Variants in HELZ observed in about 807,000 individuals in gnomAD.
HELZ encodes helicase with zinc finger, also known as ATP-dependent RNA helicase with zinc finger domain.
In HELZ, 23 loss-of-function variants were observed where a neutral mutation model predicts 218.2. The ratio of observed to expected loss-of-function variants is 0.11; its 90% confidence interval spans 0.08 to 0.15. The LOEUF is 0.15. Ranked by LOEUF, HELZ falls within the 10% of genes least tolerant of loss-of-function variation. HELZ has a pLI of 1.00. For synonymous variants in HELZ, 814 were observed against 829.4 expected (o/e 0.98, Z 0.32); for missense variants, 1,813 against 2,353.7 (o/e 0.77, Z 4.75).
intron 32 of HELZ, among the ~76,000 whole-genome samples, chr17:67,081,891 C>T (rs1046666484): frequency 2.6e-5 from 4 of 151,014 alleles, no homozygotes; most frequent in Non-Finnish European, 4.4e-5. Flanking sequence ...CTTAAAAATA[C>T]ATAGAAGAGC....
chr17:67,219,462 AAG>A (rs1331622745), intron 3 of HELZ, among the ~76,000 whole-genome samples: 3 of 152,254 alleles, frequency 2.0e-5, no homozygotes, highest in African/African-American at 7.2e-5. Flanking sequence ...AATTACAAAA[AAG>A]ACTTATTCCA....
rs1400932278 is a variant in HELZ, at chr17:67,141,727, CTCAAAAAATATAA to C, written c.2770-3626_2770-3614del. ...CCTAAAGAAACCACTAAGAAAATAA[CTCAAAAAATATAA>C]TTAAAAAATAATTAAAAGAAATGCC... On this transcript the variant is annotated intron_variant, in intron 21 of 32. Coordinates refer to ENST00000358691, the MANE Select transcript of HELZ (RefSeq NM_014877.4). 3.3e-5 allele frequency among the ~76,000 whole-genome samples: 5 copies of C among 151,892 alleles called. No homozygotes were observed. The East Asian group carries it at 7.7e-4, about 23-fold the overall frequency.
intron 31 of HELZ, among the ~76,000 whole-genome samples, chr17:67,095,062 C>G (rs981996907): frequency 6.6e-6 from 1 of 152,208 alleles, no homozygotes; most frequent in African/African-American, 2.4e-5. Flanking sequence ...ATTTTACTCA[C>G]AGAACTTCTT....
intron 29 of HELZ, 57 bp downstream of exon 29, chr17:67,109,059 G>T: frequency 1.5e-6 from 2 of 1,351,536 alleles, no homozygotes; most frequent in Non-Finnish European, 2.1e-6. Context: ...ATATTATACA[G>T]TCCAAGTCAT....
At chr17:67,102,429 A>G (rs1371698214) in intron 31 of HELZ, among the ~76,000 whole-genome samples, 19 of 152,216 alleles carry the variant, frequency 1.2e-4, no homozygotes, top group Admixed American at 1.2e-3. Flanking sequence ...AATCAAAATT[A>G]CTATAAAAAG....
Position 67,098,551 on chromosome 17 carries a change from G to T in HELZ, c.5241+8618C>A, listed in dbSNP as rs774425394. Among the ~76,000 whole-genome samples the T allele has an allele frequency of 2.0e-5, 3 of 150,652 alleles. No individual in the cohort carries two copies. The South Asian group carries it at 6.3e-4, about 32-fold the overall frequency. On this transcript the variant is annotated intron_variant, in intron 31 of 32. Transcript: ENST00000358691. ...GGAGTTTGAGACCAGCCTGGCCAACGTGGTGAAATCCCGTCTCTACTAAAA... is the reference window on the plus strand; with the variant it reads ...GGAGTTTGAGACCAGCCTGGCCAACTTGGTGAAATCCCGTCTCTACTAAAA...
intron 3 of HELZ, among the ~76,000 whole-genome samples, chr17:67,235,654 C>G (rs2041159694): frequency 6.6e-6 from 1 of 152,018 alleles, no homozygotes; most frequent in Non-Finnish European, 1.5e-5. Context: ...ACAGCAGATG[C>G]CCAATAAATA....
At chr17:67,089,694 G>GAGAGAGAGAGAGAGAGAGAGACAGAC (rs776184027) in intron 31 of HELZ, among the ~76,000 whole-genome samples, 1 of 100,696 alleles carries the variant, frequency 9.9e-6, no homozygotes, top group Non-Finnish European at 1.9e-5. Context: ...GAGAGAGAGA[G>GAGAGAGAGAGAGAGAGAGAGACAGAC]AGAGAGACAG....
At position 67,087,060 on chromosome 17, in the gene HELZ, G is replaced by T. The variant is rs1415148527; in HGVS notation, c.5263C>A (p.Arg1755=). ...GAGATTCTTCTTTGGTACAAGGGCC[G>T]ACCAGGTCCTCTGGGCTCATACTAC... ...LEEYEPRGPG[R]PLYQRRISSS... The change falls in exon 32 of 33, where the codon CGG becomes AGG. Residue 1755 remains arginine, a synonymous_variant. Coordinates refer to ENST00000358691, the MANE Select transcript of HELZ (RefSeq NM_014877.4). 1.2e-6 allele frequency: 2 copies of T among 1,613,862 alleles called. No homozygotes were observed. The highest frequency in any genetic ancestry group is 2.2e-5 in the South Asian group (2 of 91,064).
chr17:67,229,631 G>A (rs2143415104), intron 3 of HELZ, among the ~76,000 whole-genome samples: 1 of 152,174 alleles, frequency 6.6e-6, no homozygotes, highest in African/African-American at 2.4e-5. Context: ...TGACCTAAAT[G>A]CCAAGCATAC....
intron 12 of HELZ, among the ~76,000 whole-genome samples, chr17:67,180,226 G>A (rs1400429262): frequency 2.0e-5 from 3 of 152,094 alleles, no homozygotes; most frequent in Admixed American, 6.6e-5. Context: ...GCTCCCGCCT[G>A]TAACCCCATC....
chr17:67,174,674 T>C (rs1052489006), intron 13 of HELZ, among the ~76,000 whole-genome samples: 1 of 152,118 alleles, frequency 6.6e-6, no homozygotes, highest in Admixed American at 6.6e-5. Flanking sequence ...GACACTTGCC[T>C]GTAATCCCAG....
At chr17:67,245,487 C>G (rs914264063), upstream of HELZ, 4 of 985,714 alleles carry the variant, frequency 4.1e-6, no homozygotes, top group Non-Finnish European at 4.8e-6. Flanking sequence ...CCTGCCCGGG[C>G]AGACGCCCCG....
chr17:67,235,944 A>T (rs575304619), intron 3 of HELZ, among the ~76,000 whole-genome samples: 49 of 151,650 alleles, frequency 3.2e-4, no homozygotes, highest in South Asian at 2.9e-3. Context: ...GTATTTTTAG[A>T]AGAGACGGGG....
intron 13 of HELZ, among the ~76,000 whole-genome samples, chr17:67,178,179 TA>T (rs1291332895): frequency 3.9e-5 from 6 of 152,226 alleles, no homozygotes; most frequent in African/African-American, 1.4e-4. Flanking sequence ...GGATAAAATG[TA>T]AAATATGTTA....
intron 5 of HELZ, among the ~76,000 whole-genome samples, chr17:67,215,336 G>A (rs1369079413): frequency 6.6e-6 from 1 of 150,672 alleles, no homozygotes; most frequent in Non-Finnish European, 1.5e-5. Context: ...CCTTGTGACT[G>A]GAGCTATTCA....
intron 15 of HELZ, among the ~76,000 whole-genome samples, chr17:67,166,218 G>C (rs868754939): frequency 7.9e-5 from 12 of 152,048 alleles, no homozygotes; most frequent in Non-Finnish European, 4.4e-5. Context: ...ACTTCTACTT[G>C]GAAATATTCC....
chr17:67,122,708 C>CA lies in HELZ; in HGVS notation c.3630+261dup, dbSNP rs568948212. On this transcript the variant is annotated intron_variant, in intron 26 of 32. Coordinates refer to ENST00000358691, the MANE Select transcript of HELZ (RefSeq NM_014877.4). ...AGGCAACAAGAGCAAAACTCTATCT[C>CA]AAAAAAAAAACAAAACAAAATAGTA... 1.8e-3 allele frequency among the ~76,000 whole-genome samples: 259 copies of CA among 143,318 alleles called. 2 individuals carry two copies. The highest frequency in any genetic ancestry group is 9.4e-3 in the East Asian group (47 of 4,986). 94.0% of individuals were successfully genotyped at this position (143,318 alleles called of 152,430 possible). A position where few individuals can be genotyped will look rare whatever the true frequency, so the allele number is the denominator to read the frequency against.
At chr17:67,113,153 A>G (rs1287679303) in intron 28 of HELZ, among the ~76,000 whole-genome samples, 1 of 152,232 alleles carries the variant, frequency 6.6e-6, no homozygotes, top group African/African-American at 2.4e-5. Flanking sequence ...TTTAGGCTAA[A>G]AGAGATCTAA....
Sources: allele counts gnomAD v4.1 joint callset (sites outside exome capture counted in the v4.1 genomes callset), GRCh38; gene constraint gnomAD v4.1.1; transcripts MANE v1.5; gene names NCBI Gene and HGNC (gene_info 2026-07-23, HGNC 2026-07-21).